SLC4A4: variants seen among roughly 807,000 people sequenced by gnomAD.
The protein encoded by SLC4A4 is electrogenic sodium bicarbonate cotransporter 1.
Under a neutral mutation model 111.5 loss-of-function variants are expected in SLC4A4, and 27 were observed. The ratio of observed to expected loss-of-function variants is 0.24; its 90% confidence interval spans 0.18 to 0.33. The LOEUF (loss-of-function observed/expected upper bound fraction) is 0.33, where lower values mean the gene tolerates loss of function less well. Ranked by LOEUF, SLC4A4 falls within the 10% of genes least tolerant of loss-of-function variation. The probability of loss-of-function intolerance (pLI) is 1.00; values close to 1 mark genes in which losing one functional copy is unlikely to be tolerated. For synonymous variants in SLC4A4, 443 were observed against 463.4 expected (o/e 0.96, Z 0.57); for missense variants, 909 against 1,315.5 (o/e 0.69, Z 4.78).
intron 6 of SLC4A4, among the ~76,000 whole-genome samples, chr4:71,384,004 AGATAACTT>A (rs1174870559): frequency 6.6e-6 from 1 of 152,190 alleles, no homozygotes; most frequent in East Asian, 1.9e-4. Context: ...TCTTAGAACT[AGATAACTT>A]GATGTAATTT....
Position 71,486,843 on chromosome 4 carries a change from G to T in SLC4A4, c.1904-105G>T, listed in dbSNP as rs1269351714. ...ATTGTGCCCTTATGTTGTTATTAAA[G>T]ACATTTTTACTGTATAACCCTGCTT... On this transcript the variant is annotated intron_variant, in intron 14 of 25. Coordinates refer to ENST00000264485, the MANE Select transcript of SLC4A4 (RefSeq NM_001098484.3). The T allele has an allele frequency of 1.1e-5, 7 of 643,002 alleles. No homozygotes were observed. In the African/African-American group the frequency reaches 1.3e-4, roughly 12 times the overall value. The allele number at this position is 643,002 out of a possible 1,614,324, so 39.8% of individuals were successfully genotyped here.
At chr4:71,223,045 T>C (rs1388613857) in intron 1 of SLC4A4, among the ~76,000 whole-genome samples, 2 of 152,152 alleles carry the variant, frequency 1.3e-5, no homozygotes, top group Non-Finnish European at 2.9e-5. Flanking sequence ...GGGGAGGGGA[T>C]GTTCATGAAT....
chr4:71,441,532 A>T (rs1724711342), intron 8 of SLC4A4, among the ~76,000 whole-genome samples: 3 of 151,518 alleles, frequency 2.0e-5, no homozygotes. Flanking sequence ...GGGGTGGGGG[A>T]GTTGTTTTCT....
chr4:71,344,002 T>C lies in SLC4A4; in HGVS notation c.389+4497T>C, dbSNP rs552905298. Among the ~76,000 whole-genome samples, 19 of 152,250 alleles carry C rather than the reference T, an allele frequency of 1.2e-4. No individual in the cohort carries two copies. In the East Asian group the frequency reaches 3.7e-3, roughly 29 times the overall value. ...TATTACCTGCTTAGTGGTTGTCCTA[T>C]CTATAATTGAAACCTTCCCCCAATG... On this transcript the variant is annotated intron_variant, in intron 4 of 25. Transcript: ENST00000264485.
intron 3 of SLC4A4, among the ~76,000 whole-genome samples, chr4:71,332,540 G>A (rs371454853): frequency 1.6e-4 from 25 of 151,570 alleles, no homozygotes; most frequent in South Asian, 8.3e-4. Flanking sequence ...CGCCTTCCGG[G>A]TTCACGCCAT....
chr4:71,526,908 A>T (rs1381065269), intron 16 of SLC4A4, among the ~76,000 whole-genome samples: 1 of 151,974 alleles, frequency 6.6e-6, no homozygotes, highest in Non-Finnish European at 1.5e-5. Flanking sequence ...AGTCTTTCTC[A>T]CACTTTATTA....
chr4:71,216,994 T>G (rs892193331), intron 1 of SLC4A4, among the ~76,000 whole-genome samples: 3 of 152,178 alleles, frequency 2.0e-5, no homozygotes, highest in African/African-American at 7.2e-5. Flanking sequence ...AAATGGAGGC[T>G]TAGAGAGTTG....
intron 1 of SLC4A4, among the ~76,000 whole-genome samples, chr4:71,200,807 T>TA (rs34721166): frequency 0.28 from 40,598 of 144,648 alleles, 8,491 homozygotes; most frequent in African/African-American, 0.57. Flanking sequence ...AAAGTATAGT[T>TA]AAAAAAAAAA....
At chr4:71,196,873 A>AAAAAAAAAAAAAC (rs1746031992) in intron 1 of SLC4A4, among the ~76,000 whole-genome samples, 1 of 141,928 alleles carries the variant, frequency 7.0e-6, no homozygotes, top group Non-Finnish European at 1.5e-5. Flanking sequence ...AAAAAAAAAA[A>AAAAAAAAAAAAAC]ATGCAGACAG....
In SLC4A4 at chr4:71,537,970, C is replaced by G. The variant is rs183125060; in HGVS notation, c.2442+3582C>G. Reference sequence around the variant, plus strand: ...TTGTTTTTTGTATCCAATTGTTCCTCTTTCTAGTGGATGAGCCATAGTTTC... The same window carrying G: ...TTGTTTTTTGTATCCAATTGTTCCTGTTTCTAGTGGATGAGCCATAGTTTC... On this transcript the variant is annotated intron_variant, in intron 18 of 25. Transcript: ENST00000264485. Among the ~76,000 whole-genome samples, 4 of 152,202 alleles carry G rather than the reference C, an allele frequency of 2.6e-5. No homozygotes were observed. In the East Asian group the frequency reaches 7.7e-4, roughly 29 times the overall value.
At chr4:71,421,172 T>C (rs952542494) in intron 7 of SLC4A4, among the ~76,000 whole-genome samples, 22 of 151,184 alleles carry the variant, frequency 1.5e-4, no homozygotes, top group Admixed American at 1.3e-4. Context: ...CAAAAAAAGG[T>C]AGGGGTTTCA....
Position 71,350,084 on chromosome 4 carries a change from G to A in SLC4A4, c.550+12G>A. 6.2e-7 allele frequency: 1 copy of A among 1,613,874 alleles called. No individual in the cohort carries two copies. Among genetic ancestry groups the A allele is most frequent in the Non-Finnish European group, 8.5e-7 (1 of 1,179,942 alleles). On this transcript the variant is annotated intron_variant, in intron 5 of 25. Coordinates refer to ENST00000264485, the MANE Select transcript of SLC4A4 (RefSeq NM_001098484.3). ...CCCACAGTTGGTGGGTAAGTATGCT[G>A]TTTGAATTTTATCCTATTTTTTTCG...
chr4:71,201,373 G>A (rs1041558212), intron 1 of SLC4A4, among the ~76,000 whole-genome samples: 2 of 152,138 alleles, frequency 1.3e-5, no homozygotes, highest in Admixed American at 6.6e-5. Context: ...TGGGTCAGAC[G>A]GCTCTCTTTG....
intron 6 of SLC4A4, among the ~76,000 whole-genome samples, chr4:71,383,547 A>G (rs1182957742): frequency 1.3e-5 from 2 of 152,264 alleles, no homozygotes; most frequent in African/African-American, 2.4e-5. Context: ...GAAAATTACA[A>G]ATGGTGAGTA....
At position 71,357,093 on chromosome 4, in the gene SLC4A4, C is replaced by T. The variant is rs148508614; in HGVS notation, c.636C>T (p.His212=). Residue 212 remains histidine (H), a synonymous_variant, in exon 6 of 26, where the codon CAC becomes CAT. Transcript: ENST00000264485. ...TGACCTATACTTTGCTCCGGAAGCA[C>T]CGGCATCAAACCAAGAAATCCAACC... ...DKVTYTLLRK[H]RHQTKKSNLR... 20 of 1,613,970 alleles carry T rather than the reference C, an allele frequency of 1.2e-5. No homozygotes were observed. In the African/African-American group the frequency reaches 2.4e-4, roughly 19 times the overall value.
At chr4:71,103,023 C>T (rs2148947286) in intron 2 of SLC4A4, among the ~76,000 whole-genome samples, 1 of 150,154 alleles carries the variant, frequency 6.7e-6, no homozygotes, top group African/African-American at 2.4e-5. Context: ...ATTCAGGAAA[C>T]CCATCTCACG....
intron 18 of SLC4A4, among the ~76,000 whole-genome samples, chr4:71,538,311 T>A (rs183396002): frequency 4.6e-4 from 70 of 152,226 alleles, no homozygotes; most frequent in African/African-American, 1.5e-3. Flanking sequence ...TAGAAAACAT[T>A]AGAAAATCAA....
intron 7 of SLC4A4, among the ~76,000 whole-genome samples, chr4:71,415,146 C>T (rs1352560903): frequency 6.6e-6 from 1 of 152,222 alleles, no homozygotes; most frequent in Non-Finnish European, 1.5e-5. Context: ...CAACTATACA[C>T]TTGGTAGAAT....
chr4:71,443,116 C>CTATATATATATATATATATATA (rs1168996571), intron 8 of SLC4A4, among the ~76,000 whole-genome samples: 1 of 65,658 alleles, frequency 1.5e-5, no homozygotes, highest in African/African-American at 8.7e-5. Context: ...CTCTCTCTCT[C>CTATATATATATATATATATATA]TATATATATA....
Sources: allele counts gnomAD v4.1 joint callset (sites outside exome capture counted in the v4.1 genomes callset), GRCh38; gene constraint gnomAD v4.1.1; transcripts MANE v1.5; gene names NCBI Gene and HGNC (gene_info 2026-07-23, HGNC 2026-07-21).